The following PSMD1 variants were observed in gnomAD, a reference collection of about 807,000 sequenced individuals.
PSMD1 encodes 26S proteasome non-ATPase regulatory subunit 1.
PSMD1 carries 18 observed loss-of-function variants against 119.0 expected under a neutral mutation model. The ratio of observed to expected loss-of-function variants is 0.15; its 90% CI spans 0.10 to 0.22. The LOEUF (loss-of-function observed/expected upper bound fraction) is 0.22, where lower values mean the gene tolerates loss of function less well. PSMD1 is among the 10% of genes least tolerant of loss of function. The pLI is 1.00. For missense variants in PSMD1, 702 were observed against 1,158.5 expected, an observed-to-expected ratio of 0.61 and a Z score of 5.72; for synonymous variants, 374 against 396.6, an observed-to-expected ratio of 0.94 and a Z score of 0.68.
intron 16 of PSMD1, among the ~76,000 whole-genome samples, chr2:231,110,710 C>T (rs1166622099): frequency 3.9e-5 from 6 of 152,202 alleles, no homozygotes; most frequent in Non-Finnish European, 7.3e-5. Context: ...TGTTCTACAC[C>T]AGGGGTCATT....
At chr2:231,078,843 G>T in intron 10 of PSMD1, 96 bp downstream of exon 10, 4 of 832,408 alleles carry the variant, frequency 4.8e-6, no homozygotes, top group Non-Finnish European at 6.8e-6. Flanking sequence ...GGCCCAGGCC[G>T]GAGGGCAGTG....
At chr2:231,074,634 CTT>C (rs1264191423) in intron 7 of PSMD1, among the ~76,000 whole-genome samples, 9 of 152,060 alleles carry the variant, frequency 5.9e-5, no homozygotes, top group African/African-American at 1.7e-4. Flanking sequence ...CCTAATTTCT[CTT>C]GTTTTGAAAT....
rs1333898015 is a variant in PSMD1 at position 231,164,028 on chromosome 2, TA to T, written c.2481+302del. On this transcript the variant is annotated intron_variant, in intron 21 of 24. Coordinates refer to ENST00000308696, the MANE Select transcript of PSMD1 (RefSeq NM_002807.4). Reference sequence around the variant, plus strand: ...CTGCATCTTGTTTTCACATTAACTATATTTTTTTTTATTTTTAAAACTTTCA... The same window carrying T: ...CTGCATCTTGTTTTCACATTAACTATTTTTTTTTTATTTTTAAAACTTTCA... Among the ~76,000 whole-genome samples, 6 of 152,314 alleles carry T rather than the reference TA, an allele frequency of 3.9e-5. No homozygotes were observed. In the South Asian group the frequency reaches 8.3e-4, roughly 21 times the overall value.
At chr2:231,094,583 G>C (rs57351130) in intron 16 of PSMD1, among the ~76,000 whole-genome samples, 5,349 of 152,230 alleles carry the variant, frequency 0.035, 112 homozygotes, top group East Asian at 0.11. Context: ...CAGTATTAAG[G>C]CTCCAGCCTT....
At position 231,083,773 on chromosome 2, in the gene PSMD1, C is replaced by T. The variant is rs1694369357; in HGVS notation, c.1722+10C>T. 6.2e-7 allele frequency: 1 copy of T among 1,613,250 alleles called. No individual in the cohort carries two copies. The highest frequency in any genetic ancestry group is 1.3e-5 in the African/African-American group (1 of 74,926). On this transcript the variant is annotated intron_variant, in intron 14 of 24. Coordinates refer to ENST00000308696, the MANE Select transcript of PSMD1 (RefSeq NM_002807.4). The stretch of plus-strand genomic sequence containing the variant: ...TCTCTGTCGTGACAAGGTGAGATCA[C>T]ATACGTCCCTCACTGTCCATTTATC...
In PSMD1 at chr2:231,138,743, G is replaced by C; in HGVS notation, c.1891G>C (p.Glu631Gln). ...SLGFILFRTPEQCPSVVSLLS... is the reference protein window; with the variant it reads ...SLGFILFRTPQQCPSVVSLLS... ...CTTTCTGTTTCTTATCAGAACCCCT[G>C]AACAGTGCCCAAGTGTTGTCTCTTT... is the stretch of plus-strand genomic sequence containing the variant. The change falls in exon 17 of 25, where the codon GAA (glutamate) becomes CAA (glutamine). Residue 631 changes from glutamate to glutamine, a missense_variant. This residue lies in a region of PSMD1 where 272 missense variants were observed against 511.6 expected (regional missense o/e 0.53). Coordinates refer to ENST00000308696, the MANE Select transcript of PSMD1 (RefSeq NM_002807.4). 6.2e-7 allele frequency: 1 copy of C among 1,613,478 alleles called. No individual in the cohort carries two copies. The highest frequency in any genetic ancestry group is 8.5e-7 in the Non-Finnish European group (1 of 1,179,492).
chr2:231,105,553 T>C (rs1189035959), intron 16 of PSMD1, among the ~76,000 whole-genome samples: 1 of 152,054 alleles, frequency 6.6e-6, no homozygotes, highest in Non-Finnish European at 1.5e-5. Flanking sequence ...TGGACATTTC[T>C]TAAAATCAGA....
chr2:231,065,301 G>GT (rs1329398876), intron 4 of PSMD1, among the ~76,000 whole-genome samples: 6 of 148,788 alleles, frequency 4.0e-5, no homozygotes, highest in African/African-American at 1.5e-4. Context: ...TTGTTTTTTT[G>GT]TTTTTTGTTT....
Position 231,156,500 on chromosome 2 carries a change from T to A in PSMD1, c.2218+2834T>A, listed in dbSNP as rs1392717017. On this transcript the variant is annotated intron_variant, in intron 19 of 24. Coordinates refer to ENST00000308696, the MANE Select transcript of PSMD1 (RefSeq NM_002807.4). ...AAAAATTCCCTGTGCTTAACCTATTTATCCCTCCTTGCCCTCCCCACAAGT... is the reference window on the plus strand; with the variant it reads ...AAAAATTCCCTGTGCTTAACCTATTAATCCCTCCTTGCCCTCCCCACAAGT... Among the ~76,000 whole-genome samples the A allele has an allele frequency of 6.6e-5, 10 of 152,130 alleles. 1 individual carries two copies.
chr2:231,121,156 T>C (rs1270810290), intron 16 of PSMD1, among the ~76,000 whole-genome samples: 1 of 152,210 alleles, frequency 6.6e-6, no homozygotes, highest in East Asian at 1.9e-4. Flanking sequence ...TTTAAAAATC[T>C]ACAAACCCCA....
intron 8 of PSMD1, 23 bp downstream of exon 8, chr2:231,075,594 C>A: frequency 6.3e-7 from 1 of 1,595,966 alleles, no homozygotes; most frequent in South Asian, 1.1e-5. Context: ...TTTTTTTTTC[C>A]TTTGAGACAG....
In PSMD1 at chr2:231,163,870, A is replaced by G. The variant is rs78163309; in HGVS notation, c.2481+143A>G. ...TGACATTACACAAGAATATGAAGTG[A>G]AAGTCCTTTTTGTCTCTTGGTCATC... On this transcript the variant is annotated intron_variant, in intron 21 of 24. Transcript: ENST00000308696. 4,558 of 661,820 alleles carry G rather than the reference A, an allele frequency of 6.9e-3. 170 individuals carry two copies. The African/African-American group carries it at 0.075, about 11-fold the overall frequency. 41.0% of individuals were successfully genotyped at this position (661,820 alleles called of 1,614,324 possible). A position where few individuals can be genotyped will look rare whatever the true frequency, so the allele number is the denominator to read the frequency against.
At chr2:231,095,234 TATC>T (rs1330814296) in intron 16 of PSMD1, among the ~76,000 whole-genome samples, 1 of 152,226 alleles carries the variant, frequency 6.6e-6, no homozygotes, top group African/African-American at 2.4e-5. Context: ...TTTTGCAGCT[TATC>T]AGTAGTCATG....
chr2:231,076,925 TA>T, intron 8 of PSMD1, 108 bp from the exon 9 acceptor site: 1 of 957,516 alleles, frequency 1.0e-6, no homozygotes, highest in Non-Finnish European at 1.5e-6. Context: ...TCCTTTCTCT[TA>T]AAATGGACTG....
intron 1 of PSMD1, among the ~76,000 whole-genome samples, chr2:231,058,862 TATCCTTCCCTGATCATTCTATTAA>T (rs1381628899): frequency 6.6e-5 from 10 of 152,172 alleles, no homozygotes; most frequent in Non-Finnish European, 1.0e-4. Context: ...ACTCAAATGT[TATCCTTCCCTGATCATTCTATTAA>T]AACACGCTTA....
chr2:231,146,249 A>C lies in PSMD1; in HGVS notation c.2008A>C (p.Asn670His). The change falls in exon 18 of 25, where the codon AAT (asparagine) becomes CAT (histidine). Residue 670 changes from asparagine (N) to histidine (H), a missense_variant. This residue lies in a region of PSMD1 where 272 missense variants were observed against 511.6 expected (regional missense o/e 0.53). Coordinates refer to ENST00000308696, the MANE Select transcript of PSMD1 (RefSeq NM_002807.4). ...TTTTAAATTCTTTCAGGAAGCCATTAATTTGCTAGAACCAATGACAAACGA... is the reference window on the plus strand; with the variant it reads ...TTTTAAATTCTTTCAGGAAGCCATTCATTTGCTAGAACCAATGACAAACGA... ...CAGTGNKEAINLLEPMTNDPV... is the reference protein window; with the variant it reads ...CAGTGNKEAIHLLEPMTNDPV... The C allele has an allele frequency of 1.2e-6, 2 of 1,610,906 alleles. No individual in the cohort carries two copies. The highest frequency in any genetic ancestry group is 1.7e-6 in the Non-Finnish European group (2 of 1,177,296).
At chr2:231,063,750 T>C (rs1031037297) in intron 4 of PSMD1, among the ~76,000 whole-genome samples, 31 of 152,234 alleles carry the variant, frequency 2.0e-4, no homozygotes, top group African/African-American at 7.5e-4. Context: ...GACCGTATTA[T>C]TTGAAACTAG....
At chr2:231,171,851 C>A (rs1393994670) in intron 24 of PSMD1, among the ~76,000 whole-genome samples, 2 of 151,950 alleles carry the variant, frequency 1.3e-5, no homozygotes, top group Admixed American at 1.3e-4. Context: ...CCACCACGCC[C>A]GGCCAATTCA....
chr2:231,057,233 G>A (rs1229058314), intron 1 of PSMD1, among the ~76,000 whole-genome samples, 192 bp downstream of exon 1: 2 of 152,016 alleles, frequency 1.3e-5, no homozygotes, highest in African/African-American at 2.4e-5. Context: ...CTGGCTTGAG[G>A]GAATCGAGCC....
Sources: allele counts gnomAD v4.1 joint callset (sites outside exome capture counted in the v4.1 genomes callset), GRCh38; gene constraint gnomAD v4.1.1; regional missense constraint gnomAD v4.1.1; transcripts MANE v1.5; gene names NCBI Gene and HGNC (gene_info 2026-07-23, HGNC 2026-07-21).